HACD1: variants seen among roughly 807,000 people sequenced by gnomAD.
HACD1 encodes very-long-chain (3R)-3-hydroxyacyl-CoA dehydratase 1.
In HACD1, 41 loss-of-function variants were observed where a neutral mutation model predicts 32.0. That is an observed-to-expected ratio of 1.28 (90% CI 1.00 to 1.66). The LOEUF is 1.66. HACD1 is among the 40% of genes most tolerant of loss of function. The pLI is 0.00. For missense variants in HACD1, 396 were observed against 380.1 expected, an observed-to-expected ratio of 1.04 and a Z score of -0.35; for synonymous variants, 142 against 139.0, an observed-to-expected ratio of 1.02 and a Z score of -0.15.
intron 1 of HACD1, 35 bp downstream of exon 1, chr10:17,617,048 G>A (rs1156271958): frequency 7.2e-7 from 1 of 1,391,660 alleles, no homozygotes; most frequent in South Asian, 1.6e-5. Flanking sequence ...ACCGCGGCGC[G>A]GGGAGGGCCC....
chr10:17,610,236 C>T (rs193023884), intron 1 of HACD1, among the ~76,000 whole-genome samples: 7 of 152,252 alleles, frequency 4.6e-5, no homozygotes, highest in East Asian at 1.9e-4. Flanking sequence ...ATAGATTCTA[C>T]GCAGCAATAA....
intron 1 of HACD1, among the ~76,000 whole-genome samples, chr10:17,616,215 G>GC (rs1258911772): frequency 5.2e-5 from 7 of 134,170 alleles, no homozygotes; most frequent in African/African-American, 2.0e-4. Flanking sequence ...CTTGTAGTGA[G>GC]CCGAGATCCC....
At chr10:17,597,795 C>T (rs1834013782) in intron 5 of HACD1, among the ~76,000 whole-genome samples, 1 of 152,186 alleles carries the variant, frequency 6.6e-6, no homozygotes, top group African/African-American at 2.4e-5. Context: ...AACACATTTT[C>T]ATGTACAGTA....
Position 17,594,373 on chromosome 10 carries a change from A to G in HACD1, c.616T>C (p.Phe206Leu). The G allele has an allele frequency of 6.8e-7, 1 of 1,464,476 alleles. No homozygotes were observed. The highest frequency in any genetic ancestry group is 9.1e-7 in the Non-Finnish European group (1 of 1,101,830). 90.7% of individuals were successfully genotyped at this position (1,464,476 alleles called of 1,614,324 possible). ...YFIKWARYNF[F>L]IILYPVGVAG... ...ACTCCAACAGGATATAAGATGATAA[A>G]AAAATTATATCTGGAGAAAGAAAAA... Residue 206 changes from phenylalanine (F) to leucine (L), a missense_variant, in exon 6 of 7, where the codon TTT (phenylalanine) becomes CTT (leucine). By Grantham distance (22) the Phe-to-Leu change is conservative. Coordinates refer to ENST00000361271, the MANE Select transcript of HACD1 (RefSeq NM_014241.4).
rs782001368 is a variant in HACD1 at position 17,617,130 on chromosome 10, G to A, written c.210C>T (p.Val70=). 2.0e-6 allele frequency: 3 copies of A among 1,505,986 alleles called. No homozygotes were observed. In the South Asian group the frequency reaches 3.7e-5, roughly 19 times the overall value. 93.3% of individuals were successfully genotyped at this position (1,505,986 alleles called of 1,614,324 possible). Residue 70 remains valine (V), a synonymous_variant, in exon 1 of 7, where the codon GTC becomes GTT. Coordinates refer to ENST00000361271, the MANE Select transcript of HACD1 (RefSeq NM_014241.4). ...AGAAGGTGAGCCAGGCGGTGGCCAA[G>A]ACCCCCAGGCGCCTCCGCTCGCCGG... ...EAPGERRRLG[V]LATAWLTFYD...
At chr10:17,603,218 G>C (rs1188718873) in intron 4 of HACD1, 1 of 198,640 alleles carries the variant, frequency 5.0e-6, no homozygotes, top group Non-Finnish European at 1.0e-5. Flanking sequence ...TGACAACTTC[G>C]ATTACATAAT....
At position 17,603,505 on chromosome 10, in the gene HACD1, A is replaced by G. The variant is rs1834099991; in HGVS notation, c.483+55T>C. ...ACAAATGTTAATATTTTAGATTCCT[A>G]TGAATGGAAAGCTTTCCTGCAGGCT... On this transcript the variant is annotated intron_variant, in intron 4 of 6. Coordinates refer to ENST00000361271, the MANE Select transcript of HACD1 (RefSeq NM_014241.4). 2.1e-6 allele frequency: 3 copies of G among 1,426,236 alleles called. No homozygotes were observed. In the South Asian group the frequency reaches 3.6e-5, roughly 17 times the overall value. The allele number at this position is 1,426,236 out of a possible 1,614,324, so 88.3% of individuals were successfully genotyped here.
chr10:17,592,846 G>A (rs1300242307), intron 6 of HACD1, among the ~76,000 whole-genome samples: 1 of 152,220 alleles, frequency 6.6e-6, no homozygotes, highest in Non-Finnish European at 1.5e-5. Context: ...TGAAGTGGTA[G>A]AAGACAAGGG....
intron 4 of HACD1, 140 bp downstream of exon 4, chr10:17,603,420 A>G: frequency 1.4e-6 from 1 of 734,170 alleles, no homozygotes; most frequent in East Asian, 2.7e-5. Context: ...AAGTCAATGC[A>G]CAACATCTAA....
chr10:17,613,814 CA>C (rs1554817749), intron 1 of HACD1, among the ~76,000 whole-genome samples: 1 of 152,164 alleles, frequency 6.6e-6, no homozygotes, highest in African/African-American at 2.4e-5. Flanking sequence ...GATTAGAAGT[CA>C]TGGGAATAAC....
intron 5 of HACD1, among the ~76,000 whole-genome samples, chr10:17,595,532 A>T (rs1554815955): frequency 6.6e-6 from 1 of 152,140 alleles, no homozygotes; most frequent in Admixed American, 6.5e-5. Context: ...AAGTAGAGTT[A>T]AGAAAGTTCT....
At chr10:17,609,136 G>GA (rs1333630987) in intron 1 of HACD1, among the ~76,000 whole-genome samples, 9 of 140,230 alleles carry the variant, frequency 6.4e-5, no homozygotes, top group South Asian at 2.2e-4. Context: ...GCCCATTAAA[G>GA]AAAAAAAATG....
At chr10:17,597,272 A>T (rs1834006534) in intron 5 of HACD1, among the ~76,000 whole-genome samples, 1 of 152,120 alleles carries the variant, frequency 6.6e-6, no homozygotes, top group Non-Finnish European at 1.5e-5. Flanking sequence ...TCGGCCTCCC[A>T]AGTAGCTGGG....
intron 1 of HACD1, among the ~76,000 whole-genome samples, chr10:17,613,144 G>GTGTGTTTTGTTT (rs368670331): frequency 9.3e-5 from 12 of 128,752 alleles, no homozygotes; most frequent in African/African-American, 2.7e-4. Flanking sequence ...GTGTGTGTGT[G>GTGTGTTTTGTTT]TGTTTTGTTT....
chr10:17,595,984 T>A (rs1833990889), intron 5 of HACD1, among the ~76,000 whole-genome samples: 1 of 151,856 alleles, frequency 6.6e-6, no homozygotes. Flanking sequence ...AGACCCTGTC[T>A]CAAAAAAAAT....
intron 5 of HACD1, chr10:17,599,070 T>C: frequency 2.3e-6 from 2 of 877,004 alleles, no homozygotes; most frequent in Non-Finnish European, 3.0e-6. Flanking sequence ...TTGTCTCACA[T>C]TGATTTCACT....
At chr10:17,605,529 A>G (rs868975790) in intron 1 of HACD1, among the ~76,000 whole-genome samples, 35,759 of 138,896 alleles carry the variant, frequency 0.26, 4,520 homozygotes, top group African/African-American at 0.31. Context: ...CATCTCGGGA[A>G]AAAAAAAAAA....
At position 17,594,192 on chromosome 10, in the gene HACD1, A is replaced by C; in HGVS notation, c.784+13T>G. 1.4e-6 allele frequency: 2 copies of C among 1,408,670 alleles called. No individual in the cohort carries two copies. Among genetic ancestry groups the C allele is most frequent in the Non-Finnish European group, 1.9e-6 (2 of 1,063,802 alleles). 87.3% of individuals were successfully genotyped at this position (1,408,670 alleles called of 1,614,324 possible). On this transcript the variant is annotated intron_variant, in intron 6 of 6. Transcript: ENST00000361271. Reference sequence around the variant, plus strand: ...CATATGTCAAATCAAAGTACTAATAAGTATATACTTACAAGGTATATATGA... The same window carrying C: ...CATATGTCAAATCAAAGTACTAATACGTATATACTTACAAGGTATATATGA...
At chr10:17,616,386 G>C (rs1554818075) in intron 1 of HACD1, among the ~76,000 whole-genome samples, 2 of 152,214 alleles carry the variant, frequency 1.3e-5, no homozygotes. Context: ...CAGTGCAATT[G>C]AGAAATGGAA....
Sources: allele counts gnomAD v4.1 joint callset (sites outside exome capture counted in the v4.1 genomes callset), GRCh38; gene constraint gnomAD v4.1.1; transcripts MANE v1.5; gene names NCBI Gene and HGNC (gene_info 2026-07-23, HGNC 2026-07-21).